The following GRID1 variants were observed in gnomAD, a reference collection of about 807,000 sequenced individuals.
The protein encoded by GRID1 is glutamate ionotropic receptor delta type subunit 1.
Under a neutral mutation model 98.0 loss-of-function variants are expected in GRID1, and 28 were observed. The ratio of observed to expected loss-of-function variants is 0.29; its 90% CI spans 0.21 to 0.39. GRID1 has a LOEUF of 0.39. Ranked by LOEUF, GRID1 falls within the 10% of genes least tolerant of loss-of-function variation. The probability of loss-of-function intolerance (pLI) is 1.00; values close to 1 mark genes in which losing one functional copy is unlikely to be tolerated. For synonymous variants in GRID1, 553 were observed against 538.5 expected (o/e 1.03, Z -0.37); for missense variants, 1,111 against 1,340.5 (o/e 0.83, Z 2.67).
chr10:85,887,870 T>C lies in GRID1; in HGVS notation c.781-18690A>G, dbSNP rs1352963179. 2.0e-5 allele frequency among the ~76,000 whole-genome samples: 3 copies of C among 152,240 alleles called. No homozygotes were observed. In the South Asian group the frequency reaches 6.2e-4, roughly 32 times the overall value. ...CATCTAACTTAAAAACTAAACGTCT[T>C]TCTACAACCTTTGATGCCCATCAAA... is the stretch of plus-strand genomic sequence containing the variant. On this transcript the variant is annotated intron_variant, in intron 5 of 15. Coordinates refer to ENST00000327946, the MANE Select transcript of GRID1 (RefSeq NM_017551.3).
Position 86,274,674 on chromosome 10 carries a change from T to C in GRID1, c.236-68026A>G, listed in dbSNP as rs373650188. Among the ~76,000 whole-genome samples the C allele has an allele frequency of 1.0e-3, 158 of 152,154 alleles. No homozygotes were observed. The South Asian group carries it at 0.032, about 31-fold the overall frequency. ...AGGTATTTTATTCTCTTTGAAGCAA[T>C]TGTGAATGGGAGTTCACTCATGATT... On this transcript the variant is annotated intron_variant, in intron 2 of 15. Coordinates refer to ENST00000327946, the MANE Select transcript of GRID1 (RefSeq NM_017551.3).
chr10:86,047,377 G>C (rs1455918918), intron 4 of GRID1, among the ~76,000 whole-genome samples: 3 of 152,202 alleles, frequency 2.0e-5, no homozygotes, highest in African/African-American at 7.2e-5. Flanking sequence ...TCTGCTTTAG[G>C]TGATTAATAG....
At chr10:86,069,817 C>T (rs1843777100) in intron 4 of GRID1, among the ~76,000 whole-genome samples, 1 of 152,196 alleles carries the variant, frequency 6.6e-6, no homozygotes, top group Non-Finnish European at 1.5e-5. Flanking sequence ...CCATAACACT[C>T]CTCTATGCCT....
chr10:85,996,152 A>T (rs1298134882), intron 4 of GRID1, among the ~76,000 whole-genome samples: 1 of 152,252 alleles, frequency 6.6e-6, no homozygotes, highest in East Asian at 1.9e-4. Flanking sequence ...ACCAAGAGTC[A>T]TAATATTCAA....
chr10:85,895,016 A>ATATATATATATAT (rs1554838331), intron 5 of GRID1, among the ~76,000 whole-genome samples: 37 of 97,056 alleles, frequency 3.8e-4, no homozygotes, highest in Middle Eastern at 5.3e-3. Context: ...AAAAAAAAAA[A>ATATATATATATAT]ATATATATAT....
intron 4 of GRID1, among the ~76,000 whole-genome samples, chr10:86,042,722 T>G (rs551761195): frequency 1.5e-4 from 23 of 152,276 alleles, no homozygotes; most frequent in Non-Finnish European, 3.2e-4. Flanking sequence ...CATCTTCATC[T>G]TTACCTCTAA....
intron 15 of GRID1, among the ~76,000 whole-genome samples, chr10:85,603,084 G>C (rs945024973): frequency 1.3e-5 from 2 of 152,204 alleles, no homozygotes; most frequent in Admixed American, 1.3e-4. Flanking sequence ...GAGCCCCTAA[G>C]GTGTCCCATG....
intron 4 of GRID1, among the ~76,000 whole-genome samples, chr10:85,985,532 G>A (rs1842598412): frequency 6.6e-6 from 1 of 152,192 alleles, no homozygotes; most frequent in Non-Finnish European, 1.5e-5. Flanking sequence ...TCATGGGGCA[G>A]GCTCTCCTTG....
At chr10:86,114,505 C>T (rs1005176325) in intron 4 of GRID1, among the ~76,000 whole-genome samples, 8 of 152,192 alleles carry the variant, frequency 5.3e-5, no homozygotes, top group African/African-American at 1.9e-4. Context: ...CCAAGTCCTA[C>T]AGCGGGTCTG....
intron 4 of GRID1, among the ~76,000 whole-genome samples, chr10:85,977,974 A>G (rs1842494925): frequency 6.6e-6 from 1 of 152,178 alleles, no homozygotes; most frequent in Non-Finnish European, 1.5e-5. Context: ...GGCCCACATG[A>G]GAGTGCCGAG....
Position 86,039,271 on chromosome 10 carries a change from C to T in GRID1, c.726+99548G>A, listed in dbSNP as rs1294839021. On this transcript the variant is annotated intron_variant, in intron 4 of 15. Transcript: ENST00000327946. ...CTTGGAAGTTCTGGAGTTCATGACA[C>T]AGCTCATGTCAATTCACCACTCTGT... Among the ~76,000 whole-genome samples, 8 of 152,286 alleles carry T rather than the reference C, an allele frequency of 5.3e-5. 1 individual carries two copies. The highest frequency in any genetic ancestry group is 1.0e-4 in the Non-Finnish European group (7 of 68,022).
At chr10:85,742,763 G>C (rs1006119876) in intron 8 of GRID1, among the ~76,000 whole-genome samples, 4 of 152,168 alleles carry the variant, frequency 2.6e-5, no homozygotes, top group Admixed American at 6.5e-5. Context: ...ATCAGGAAGA[G>C]AAGTCTAATT....
At chr10:85,870,319 C>T (rs1034830988) in intron 5 of GRID1, among the ~76,000 whole-genome samples, 3 of 152,206 alleles carry the variant, frequency 2.0e-5, no homozygotes, top group Non-Finnish European at 4.4e-5. Flanking sequence ...CTTACACCAG[C>T]GATTTTCCAG....
intron 4 of GRID1, among the ~76,000 whole-genome samples, chr10:86,005,359 A>G (rs1249317957): frequency 6.6e-6 from 1 of 151,870 alleles, no homozygotes; most frequent in Non-Finnish European, 1.5e-5. Flanking sequence ...TGAAAAAAAA[A>G]AGGCAAAACT....
intron 3 of GRID1, among the ~76,000 whole-genome samples, chr10:86,141,555 C>T (rs190576107): frequency 1.2e-3 from 177 of 152,370 alleles, no homozygotes; most frequent in Non-Finnish European, 1.8e-3. Flanking sequence ...GGCAGCTGTG[C>T]TGGGCACATA....
intron 8 of GRID1, among the ~76,000 whole-genome samples, chr10:85,781,805 GAA>G (rs59791810): frequency 1.1e-4 from 15 of 137,550 alleles, no homozygotes; most frequent in South Asian, 2.3e-4. Flanking sequence ...TTGTACATTT[GAA>G]AAAAAAAAAA....
At chr10:86,097,966 C>CG (rs1197076801) in intron 4 of GRID1, among the ~76,000 whole-genome samples, 1 of 152,174 alleles carries the variant, frequency 6.6e-6, no homozygotes, top group African/African-American at 2.4e-5. Context: ...AAAATACAAT[C>CG]GAGTGGTTAT....
intron 4 of GRID1, among the ~76,000 whole-genome samples, chr10:85,947,983 T>C (rs770982004): frequency 1.3e-5 from 2 of 152,228 alleles, no homozygotes; most frequent in African/African-American, 4.8e-5. Flanking sequence ...GGTATTGCTT[T>C]GCCAGGTTAA....
At chr10:85,854,954 C>T (rs1250882809) in intron 7 of GRID1, among the ~76,000 whole-genome samples, 1 of 152,220 alleles carries the variant, frequency 6.6e-6, no homozygotes, top group Non-Finnish European at 1.5e-5. Flanking sequence ...GCTTAGTCCT[C>T]CCCTTGCAAT....
Sources: gnomAD v4.1 joint callset for allele counts (sites outside exome capture counted in the v4.1 genomes callset) on GRCh38, gnomAD v4.1.1 for gene constraint, MANE v1.5 for transcripts, NCBI Gene and HGNC (gene_info 2026-07-23, HGNC 2026-07-21) for gene names.